NFXL1: variants seen among roughly 807,000 people sequenced by gnomAD.
NFXL1 encodes NF-X1-type zinc finger protein NFXL1.
In NFXL1, 66 loss-of-function variants were observed where a neutral mutation model predicts 123.3. The observed-to-expected ratio is 0.54, with a 90% CI of 0.44 to 0.66. The LOEUF (loss-of-function observed/expected upper bound fraction) is 0.66. Ranked by LOEUF, NFXL1 falls within the 30% of genes least tolerant of loss-of-function variation. The probability of loss-of-function intolerance (pLI) is 0.00; values close to 1 mark genes in which losing one functional copy is unlikely to be tolerated. For synonymous variants in NFXL1, 346 were observed against 360.8 expected (o/e 0.96, Z 0.46); for missense variants, 944 against 1,125.6 (o/e 0.84, Z 2.31).
intron 20 of NFXL1, among the ~76,000 whole-genome samples, chr4:47,854,517 C>T (rs1344771737): frequency 6.6e-6 from 1 of 151,984 alleles, no homozygotes; most frequent in Non-Finnish European, 1.5e-5. Context: ...AGTTTTTGCC[C>T]ATTTACTCCT....
At chr4:47,895,945 G>A (rs952804838) in intron 10 of NFXL1, among the ~76,000 whole-genome samples, 1 of 152,122 alleles carries the variant, frequency 6.6e-6, no homozygotes, top group Non-Finnish European at 1.5e-5. Context: ...AAAAGCCATT[G>A]TAGAGTTATC....
chr4:47,903,916 AAATT>A (rs1553926743), intron 4 of NFXL1, among the ~76,000 whole-genome samples: 3 of 152,202 alleles, frequency 2.0e-5, no homozygotes, highest in Non-Finnish European at 4.4e-5. Context: ...AAATAATACT[AAATT>A]AATTTTTAAA....
At chr4:47,888,643 G>C (rs1441939099) in intron 12 of NFXL1, among the ~76,000 whole-genome samples, 2 of 152,062 alleles carry the variant, frequency 1.3e-5, no homozygotes, top group Non-Finnish European at 2.9e-5. Context: ...CAAAAATATA[G>C]AGGACAGAGG....
intron 6 of NFXL1, 46 bp from the exon 7 acceptor site, chr4:47,899,166 A>C: frequency 1.3e-6 from 2 of 1,490,244 alleles, no homozygotes; most frequent in Non-Finnish European, 1.8e-6. Flanking sequence ...AAAAATCTAA[A>C]GTCAGAAACT....
chr4:47,899,267 G>A (rs1737260368), intron 6 of NFXL1, 103 bp downstream of exon 6: 1 of 1,309,322 alleles, frequency 7.6e-7, no homozygotes. Context: ...ATTTTCTCAT[G>A]GCAAACTAAA....
In NFXL1 at chr4:47,895,281, C is replaced by T. The variant is rs1395512631; in HGVS notation, c.1330-979G>A. Among the ~76,000 whole-genome samples, 3 of 152,034 alleles carry T rather than the reference C, an allele frequency of 2.0e-5. No individual in the cohort carries two copies. In the South Asian group the frequency reaches 6.2e-4, roughly 32 times the overall value. On this transcript the variant is annotated intron_variant, in intron 10 of 22. Transcript: ENST00000507489. ...TGAAATGGTAAATGAGCACTGGCTT[C>T]GATTTAAAGTCATCAGCTACATTAG...
At chr4:47,867,739 C>T (rs190917018) in intron 18 of NFXL1, among the ~76,000 whole-genome samples, 1 of 152,198 alleles carries the variant, frequency 6.6e-6, no homozygotes, top group Non-Finnish European at 1.5e-5. Context: ...AGACTGGCAT[C>T]AAATTTCTCA....
At chr4:47,863,897 T>A (rs1026756440) in intron 18 of NFXL1, among the ~76,000 whole-genome samples, 2 of 152,154 alleles carry the variant, frequency 1.3e-5, no homozygotes, top group African/African-American at 4.8e-5. Context: ...TTCCCATACC[T>A]TTTTTCTCCT....
chr4:47,911,353 G>C (rs1446931100), intron 2 of NFXL1, among the ~76,000 whole-genome samples: 1 of 152,214 alleles, frequency 6.6e-6, no homozygotes, highest in Non-Finnish European at 1.5e-5. Flanking sequence ...ATTGTGCACA[G>C]TAATTTTTAA....
intron 15 of NFXL1, among the ~76,000 whole-genome samples, chr4:47,883,065 C>T (rs767713081): frequency 5.3e-5 from 8 of 152,070 alleles, no homozygotes; most frequent in Non-Finnish European, 8.8e-5. Context: ...TTCACAGATG[C>T]CCTTTATCAG....
chr4:47,848,398 T>A, intron 22 of NFXL1, 62 bp from the exon 23 acceptor site: 1 of 1,297,518 alleles, frequency 7.7e-7, no homozygotes, highest in Non-Finnish European at 1.1e-6. Flanking sequence ...AAAGTTTCCA[T>A]TTACATAAAA....
At chr4:47,887,066 C>T (rs6844066) in intron 12 of NFXL1, among the ~76,000 whole-genome samples, 49,946 of 152,008 alleles carry the variant, frequency 0.33, 9,876 homozygotes, top group Non-Finnish European at 0.44. Context: ...CAGCTTTTTA[C>T]GCTCTTTTGT....
At chr4:47,859,466 C>T (rs565623317) in intron 19 of NFXL1, among the ~76,000 whole-genome samples, 2 of 152,210 alleles carry the variant, frequency 1.3e-5, no homozygotes, top group East Asian at 1.9e-4. Flanking sequence ...TTCAGTTACA[C>T]AGAAGTTAAA....
intron 10 of NFXL1, 50 bp from the exon 11 acceptor site, chr4:47,894,352 T>C: frequency 1.4e-6 from 2 of 1,386,408 alleles, no homozygotes; most frequent in Non-Finnish European, 2.0e-6. Flanking sequence ...TTAATATTTT[T>C]TCCTCACATT....
rs757009617 is a variant in NFXL1 at position 47,910,929 on chromosome 4, C to G, written c.301G>C (p.Val101Leu). 6.2e-7 allele frequency: 1 copy of G among 1,609,144 alleles called. No homozygotes were observed. The highest frequency in any genetic ancestry group is 8.5e-7 in the Non-Finnish European group (1 of 1,177,838). ...KANQAAARKL[V>L]EEQFSSSSEE... ...GATGAAGAGCTAAACTGTTCTTCAA[C>G]AAGTTTTCTGGCTGCAGCTTGGTTA... Residue 101 changes from valine (V) to leucine (L), a missense_variant, in exon 3 of 23, where the codon GTT (valine) becomes CTT (leucine). Coordinates refer to ENST00000507489, the MANE Select transcript of NFXL1 (RefSeq NM_001278624.2).
intron 12 of NFXL1, among the ~76,000 whole-genome samples, chr4:47,889,141 A>AT (rs368032192): frequency 7.3e-4 from 111 of 152,344 alleles, no homozygotes; most frequent in African/African-American, 2.5e-3. Flanking sequence ...TTAGACATTT[A>AT]TCAAGATGAT....
chr4:47,908,258 A>G (rs1267582771), intron 3 of NFXL1, among the ~76,000 whole-genome samples: 1 of 152,092 alleles, frequency 6.6e-6, no homozygotes, highest in Non-Finnish European at 1.5e-5. Flanking sequence ...TGTCTCTACA[A>G]AAAAATTCTA....
At chr4:47,887,987 A>G (rs1736542749) in intron 12 of NFXL1, among the ~76,000 whole-genome samples, 1 of 152,098 alleles carries the variant, frequency 6.6e-6, no homozygotes, top group African/African-American at 2.4e-5. Context: ...AAAAAAAACT[A>G]TAAATCGGCT....
At chr4:47,877,927 T>G (rs998118398) in intron 17 of NFXL1, among the ~76,000 whole-genome samples, 5 of 152,054 alleles carry the variant, frequency 3.3e-5, no homozygotes, top group African/African-American at 1.2e-4. Flanking sequence ...AAACTAAAGT[T>G]TAACACTAGC....
Sources: allele counts gnomAD v4.1 joint callset (sites outside exome capture counted in the v4.1 genomes callset), GRCh38; gene constraint gnomAD v4.1.1; transcripts MANE v1.5; gene names NCBI Gene and HGNC (gene_info 2026-07-23, HGNC 2026-07-21).